FOXK1: variants seen among roughly 807,000 people sequenced by gnomAD.
FOXK1 encodes forkhead box K1, also known as forkhead box protein K1.
In FOXK1, 19 loss-of-function variants were observed where a neutral mutation model predicts 51.9. The ratio of observed to expected loss-of-function variants is 0.37; its 90% CI spans 0.26 to 0.54. The LOEUF (loss-of-function observed/expected upper bound fraction) is 0.54, where lower values mean the gene tolerates loss of function less well. FOXK1 is among the 20% of genes least tolerant of loss of function. The pLI, the probability that FOXK1 is intolerant of heterozygous loss-of-function variation, is 0.87. For missense variants in FOXK1, 870 were observed against 1,032.7 expected (o/e 0.84, Z 2.16); for synonymous variants, 537 against 482.6 (o/e 1.11, Z -1.48).
At chr7:4,686,157 T>C (rs1249084841) in intron 1 of FOXK1, among the ~76,000 whole-genome samples, 2 of 152,154 alleles carry the variant, frequency 1.3e-5, no homozygotes, top group Non-Finnish European at 2.9e-5. Flanking sequence ...CTACTGGAAA[T>C]TGTGAATTTG....
At chr7:4,732,458 A>G (rs1780490518) in intron 1 of FOXK1, among the ~76,000 whole-genome samples, 1 of 151,972 alleles carries the variant, frequency 6.6e-6, no homozygotes, top group African/African-American at 2.4e-5. Flanking sequence ...ACACCTGGCT[A>G]ATTTCTTAAA....
Position 4,761,281 on chromosome 7 carries a change from C to T in FOXK1, c.1914C>T (p.Asn638=), listed in dbSNP as rs138556737. The T allele has an allele frequency of 3.8e-4, 611 of 1,612,062 alleles. 3 individuals carry two copies. The African/African-American group carries it at 4.7e-3, about 12-fold the overall frequency. The stretch of plus-strand genomic sequence containing the variant: ...TTCCCACGAACAGTTTAGCCGGCAA[C>T]GCTTACGGTGAGGCCCTGGCCCTGT... ...HAVPTNSLAG[N]AYALTSPLQL... The change falls in exon 8 of 9, where the codon AAC becomes AAT. Residue 638 remains asparagine (N), a synonymous_variant. Coordinates refer to ENST00000328914, the MANE Select transcript of FOXK1 (RefSeq NM_001037165.2). The surrounding 1 kb of genome is among the most constrained non-coding windows in gnomAD (Gnocchi z 6.2).
At chr7:4,744,842 G>C (rs1291248147) in intron 2 of FOXK1, among the ~76,000 whole-genome samples, 1 of 152,258 alleles carries the variant, frequency 6.6e-6, no homozygotes, top group Non-Finnish European at 1.5e-5. Flanking sequence ...TCTTGTTGGG[G>C]AGAATTCTGT....
At position 4,711,614 on chromosome 7, in the gene FOXK1, T is replaced by C. The variant is rs1483471800; in HGVS notation, c.560+28746T>C. The stretch of plus-strand genomic sequence containing the variant: ...TCTCAAGAGTGCCACTCCTCGGCAT[T>C]GTGTGGATGGGCGGTAGTGAGAATA... On this transcript the variant is annotated intron_variant, in intron 1 of 8. Coordinates refer to ENST00000328914, the MANE Select transcript of FOXK1 (RefSeq NM_001037165.2). This position sits in a 1 kb window ranked among gnomAD's most constrained non-coding sequence, Gnocchi z 6.3. Among the ~76,000 whole-genome samples the C allele has an allele frequency of 6.6e-6, 1 of 152,038 alleles. No individual in the cohort carries two copies. Among genetic ancestry groups the C allele is most frequent in the Non-Finnish European group, 1.5e-5 (1 of 67,992 alleles).
rs148852602 is a variant in FOXK1, at chr7:4,756,857, G to A, written c.1051-137G>A. The A allele has an allele frequency of 4.8e-4, 431 of 888,830 alleles. 3 individuals carry two copies. The African/African-American group carries it at 6.2e-3, about 13-fold the overall frequency. The allele number at this position is 888,830 out of a possible 1,614,324, so 55.1% of individuals were successfully genotyped here. On this transcript the variant is annotated intron_variant, in intron 4 of 8. Transcript: ENST00000328914. The surrounding 1 kb of genome is among the most constrained non-coding windows in gnomAD (Gnocchi z 4.1). Reference sequence around the variant, plus strand: ...CTCGGTGCTGCTCCCGTGAGGCCCAGCCAGCACAGCACCAAGGGCTCTGCA... The same window carrying A: ...CTCGGTGCTGCTCCCGTGAGGCCCAACCAGCACAGCACCAAGGGCTCTGCA...
chr7:4,739,822 C>T (rs1780608081), intron 1 of FOXK1, among the ~76,000 whole-genome samples: 1 of 152,182 alleles, frequency 6.6e-6, no homozygotes, highest in Admixed American at 6.5e-5. Context: ...TAGGTGGTTG[C>T]CGTGCTATTT....
chr7:4,762,047 G>C lies in FOXK1; in HGVS notation c.1922-137G>C. Reference sequence around the variant, plus strand: ...GCAGGGCCCGCAGGGAGCAGAGCAAGGGTAGCCGTCCTGCCTGGCAGGGGT... The same window carrying C: ...GCAGGGCCCGCAGGGAGCAGAGCAACGGTAGCCGTCCTGCCTGGCAGGGGT... On this transcript the variant is annotated intron_variant, in intron 8 of 8. Coordinates refer to ENST00000328914, the MANE Select transcript of FOXK1 (RefSeq NM_001037165.2). The surrounding 1 kb of genome is among the most constrained non-coding windows in gnomAD (Gnocchi z 5.7). The C allele has an allele frequency of 9.9e-7, 1 of 1,007,410 alleles. No individual in the cohort carries two copies. Among genetic ancestry groups the C allele is most frequent in the African/African-American group, 1.6e-5 (1 of 61,504 alleles). The allele number at this position is 1,007,410 out of a possible 1,614,324, so 62.4% of individuals were successfully genotyped here.
rs910984617 is a variant in FOXK1, at chr7:4,769,329, A to C, written c.*6865A>C. 1.3e-5 allele frequency: 2 copies of C among 152,166 alleles called. No homozygotes were observed. The highest frequency in any genetic ancestry group is 4.8e-5 in the African/African-American group (2 of 41,440). 9.4% of individuals were successfully genotyped at this position (152,166 alleles called of 1,614,324 possible). A position where few individuals can be genotyped will look rare whatever the true frequency, so the allele number is the denominator to read the frequency against. On this transcript the variant is annotated 3_prime_UTR_variant, in exon 9 of 9. Coordinates refer to ENST00000328914, the MANE Select transcript of FOXK1 (RefSeq NM_001037165.2). The surrounding 1 kb of genome is among the most constrained non-coding windows in gnomAD (Gnocchi z 4.1). Reference sequence around the variant, plus strand: ...TGGCTGCGGAGGGCCCCCCGCCCCCATCCCGCTTCAGGCCCCAGTGACCCA... The same window carrying C: ...TGGCTGCGGAGGGCCCCCCGCCCCCCTCCCGCTTCAGGCCCCAGTGACCCA...
rs1780743071 is a variant in FOXK1, at chr7:4,749,099, C to T, written c.747-5360C>T. Among the ~76,000 whole-genome samples the T allele has an allele frequency of 6.6e-6, 1 of 152,212 alleles. No homozygotes were observed. Among genetic ancestry groups the T allele is most frequent in the African/African-American group, 2.4e-5 (1 of 41,458 alleles). On this transcript the variant is annotated intron_variant, in intron 2 of 8. Coordinates refer to ENST00000328914, the MANE Select transcript of FOXK1 (RefSeq NM_001037165.2). This position sits in a 1 kb window ranked among gnomAD's most constrained non-coding sequence, Gnocchi z 6.0. The stretch of plus-strand genomic sequence containing the variant: ...TCTGAGGGATTTTCTCCAGTCTCTC[C>T]TTCCACCCTTTCTTGGATTTGTATT...
At chr7:4,700,736 A>G (rs1780010811) in intron 1 of FOXK1, among the ~76,000 whole-genome samples, 1 of 152,124 alleles carries the variant, frequency 6.6e-6, no homozygotes, top group South Asian at 2.1e-4. Flanking sequence ...GGATCCCTTG[A>G]GCCCCAGAAG....
At position 4,743,549 on chromosome 7, in the gene FOXK1, C is replaced by A. The variant is rs1363873898; in HGVS notation, c.746+2526C>A. 1.3e-5 allele frequency among the ~76,000 whole-genome samples: 2 copies of A among 152,196 alleles called. No homozygotes were observed. The highest frequency in any genetic ancestry group is 3.9e-4 in the East Asian group (2 of 5,182). On this transcript the variant is annotated intron_variant, in intron 2 of 8. Coordinates refer to ENST00000328914, the MANE Select transcript of FOXK1 (RefSeq NM_001037165.2). The surrounding 1 kb of genome is among the most constrained non-coding windows in gnomAD (Gnocchi z 5.3). ...CGGGCGATAGAGCGAGACTCCATTTCTCAGTAAATAAATAAATGGTGAATT... is the reference window on the plus strand; with the variant it reads ...CGGGCGATAGAGCGAGACTCCATTTATCAGTAAATAAATAAATGGTGAATT...
intron 1 of FOXK1, among the ~76,000 whole-genome samples, chr7:4,719,546 A>ACCTT (rs1263848435): frequency 3.9e-5 from 6 of 152,018 alleles, no homozygotes; most frequent in Admixed American, 3.9e-4. Context: ...CAGTGGCGAG[A>ACCTT]CCTTGGCTCA....
chr7:4,718,240 T>C (rs1583193486), intron 1 of FOXK1, among the ~76,000 whole-genome samples: 1 of 152,200 alleles, frequency 6.6e-6, no homozygotes, highest in South Asian at 2.1e-4. Flanking sequence ...CGTCATCTCA[T>C]CCCGTGTGGC....
Position 4,735,572 on chromosome 7 carries a change from CA to C in FOXK1, c.561-5264del. ...CCACTAAGCTCCTTTCTAAGTCGGG[CA>C]AGAATGTTCTGGAGAGATGTCCTCC... On this transcript the variant is annotated intron_variant, in intron 1 of 8. Transcript: ENST00000328914. The surrounding 1 kb of genome is among the most constrained non-coding windows in gnomAD (Gnocchi z 4.7). Among the ~76,000 whole-genome samples, 1 of 152,250 alleles carries C rather than the reference CA, an allele frequency of 6.6e-6. No homozygotes were observed. Among genetic ancestry groups the C allele is most frequent in the East Asian group, 1.9e-4 (1 of 5,156 alleles).
intron 1 of FOXK1, among the ~76,000 whole-genome samples, chr7:4,713,500 GT>G (rs1226170113): frequency 1.4e-5 from 2 of 141,816 alleles, no homozygotes. Context: ...TTTTTTTTTT[GT>G]TTTTTTTTTG....
chr7:4,684,349 T>C (rs1333755928), intron 1 of FOXK1, among the ~76,000 whole-genome samples: 1 of 152,232 alleles, frequency 6.6e-6, no homozygotes, highest in Non-Finnish European at 1.5e-5. Flanking sequence ...CCAAAGTTTG[T>C]GTCTGTAAAC....
intron 1 of FOXK1, among the ~76,000 whole-genome samples, chr7:4,705,560 G>T (rs1464658): frequency 0.091 from 7,795 of 85,706 alleles, 278 homozygotes; most frequent in East Asian, 0.31. Context: ...TCTCTCTCTC[G>T]CTCTCGCTCT....
rs114492280 is a variant in FOXK1, at chr7:4,709,550, C to T, written c.560+26682C>T. The stretch of plus-strand genomic sequence containing the variant: ...GTGACCGGGGCAGGCGGACCTTCTC[C>T]GGGAGCCCTGTGCACAGTTGGCTTC... On this transcript the variant is annotated intron_variant, in intron 1 of 8. Transcript: ENST00000328914. This position sits in a 1 kb window ranked among gnomAD's most constrained non-coding sequence, Gnocchi z 5.6. Among the ~76,000 whole-genome samples, 1,051 of 152,292 alleles carry T rather than the reference C, an allele frequency of 6.9e-3. 11 individuals carry two copies. The highest frequency in any genetic ancestry group is 0.024 in the African/African-American group (1,017 of 41,560).
intron 1 of FOXK1, among the ~76,000 whole-genome samples, chr7:4,692,501 T>G (rs1214977115): frequency 6.6e-6 from 1 of 152,182 alleles, no homozygotes; most frequent in Admixed American, 6.5e-5. Context: ...GTTCAAGCAA[T>G]TCTCCTGCCT....
Sources: allele counts gnomAD v4.1 joint callset (sites outside exome capture counted in the v4.1 genomes callset), GRCh38; gene constraint gnomAD v4.1.1; non-coding constraint Gnocchi (gnomAD v3.1); transcripts MANE v1.5; gene names NCBI Gene and HGNC (gene_info 2026-07-23, HGNC 2026-07-21).